The following RGS7BP variants were observed in gnomAD, a reference collection of about 807,000 sequenced individuals.
RGS7BP encodes the protein regulator of G protein signaling 7-binding protein.
A neutral mutation model predicts 31.3 loss-of-function variants in RGS7BP; 9 were observed. That is an observed-to-expected ratio of 0.29 (90% CI 0.17 to 0.50). RGS7BP has a LOEUF of 0.50. Ranked by LOEUF, RGS7BP falls within the 20% of genes least tolerant of loss-of-function variation. The pLI is 0.98. For missense variants in RGS7BP, 274 were observed against 322.0 expected, an observed-to-expected ratio of 0.85 and a Z score of 1.14; for synonymous variants, 115 against 120.1, an observed-to-expected ratio of 0.96 and a Z score of 0.28.
At chr5:64,587,333 A>G (rs1379937979) in intron 3 of RGS7BP, among the ~76,000 whole-genome samples, 2 of 152,208 alleles carry the variant, frequency 1.3e-5, no homozygotes, top group Non-Finnish European at 2.9e-5. Flanking sequence ...CTAAAAAGCA[A>G]TTGGGATTAG....
chr5:64,609,095 C>A, intron 5 of RGS7BP, 66 bp from the exon 6 acceptor site: 1 of 1,001,494 alleles, frequency 1.0e-6, no homozygotes, highest in Non-Finnish European at 1.6e-6. Context: ...ATTTTTAAAG[C>A]CACTTCCTAA....
intron 2 of RGS7BP, among the ~76,000 whole-genome samples, chr5:64,560,740 ATCT>A (rs1405250585): frequency 6.6e-6 from 1 of 152,090 alleles, no homozygotes; most frequent in African/African-American, 2.4e-5. Flanking sequence ...TGCATTAATA[ATCT>A]TCTCACTTCT....
chr5:64,555,819 G>T (rs1262338811), intron 2 of RGS7BP, among the ~76,000 whole-genome samples: 1 of 151,992 alleles, frequency 6.6e-6, no homozygotes, highest in Non-Finnish European at 1.5e-5. Context: ...TGGTAAAATT[G>T]GTACACATAT....
chr5:64,600,168 C>T (rs530325527), intron 5 of RGS7BP, among the ~76,000 whole-genome samples: 1 of 152,290 alleles, frequency 6.6e-6, no homozygotes, highest in African/African-American at 2.4e-5. Context: ...AAGCTGTCCT[C>T]AGTGTCTTAA....
At chr5:64,559,884 A>G (rs1742012612) in intron 2 of RGS7BP, among the ~76,000 whole-genome samples, 1 of 152,152 alleles carries the variant, frequency 6.6e-6, no homozygotes, top group Non-Finnish European at 1.5e-5. Flanking sequence ...TTGTCCACTA[A>G]AAGTGTAATG....
At position 64,604,205 on chromosome 5, in the gene RGS7BP, G is replaced by A. The variant is rs149216476; in HGVS notation, c.683-4956G>A. On this transcript the variant is annotated intron_variant, in intron 5 of 5. Transcript: ENST00000334025. ...TCACACTGTTCTCTCCATTCTGAAG[G>A]CCTATCCCCTGCCACCTTCACCAAA... Among the ~76,000 whole-genome samples the A allele has an allele frequency of 3.3e-3, 496 of 152,078 alleles. 2 individuals carry two copies. Among genetic ancestry groups the A allele is most frequent in the African/African-American group, 0.01 (432 of 41,498 alleles).
At chr5:64,535,172 G>A (rs999232017) in intron 2 of RGS7BP, among the ~76,000 whole-genome samples, 1 of 152,196 alleles carries the variant, frequency 6.6e-6, no homozygotes, top group Non-Finnish European at 1.5e-5. Context: ...TGAAGAGAAA[G>A]TGAGATGTGA....
chr5:64,564,744 G>C (rs1217235051), intron 2 of RGS7BP, among the ~76,000 whole-genome samples: 1 of 152,046 alleles, frequency 6.6e-6, no homozygotes, highest in Non-Finnish European at 1.5e-5. Context: ...TGCGCTGTAA[G>C]CCAGCACTAG....
chr5:64,573,395 G>T (rs1742345194), intron 2 of RGS7BP, among the ~76,000 whole-genome samples: 1 of 152,054 alleles, frequency 6.6e-6, no homozygotes, highest in African/African-American at 2.4e-5. Context: ...TATGAAGTTT[G>T]CGTATTTTTG....
chr5:64,581,144 C>T (rs1270279330), intron 3 of RGS7BP, among the ~76,000 whole-genome samples: 1 of 152,030 alleles, frequency 6.6e-6, no homozygotes, highest in East Asian at 1.9e-4. Context: ...AGGTGGGATG[C>T]AGAGACTGTA....
intron 5 of RGS7BP, among the ~76,000 whole-genome samples, chr5:64,605,363 G>T (rs1470033368): frequency 1.3e-5 from 2 of 152,128 alleles, no homozygotes; most frequent in Non-Finnish European, 2.9e-5. Flanking sequence ...CATTCTTGCA[G>T]TCCTTCTGTT....
intron 2 of RGS7BP, among the ~76,000 whole-genome samples, chr5:64,529,106 T>G (rs1315869823): frequency 6.6e-6 from 1 of 152,142 alleles, no homozygotes; most frequent in Non-Finnish European, 1.5e-5. Context: ...AAAAATAGTT[T>G]GGGAGGTTAT....
chr5:64,536,379 G>A (rs779407384), intron 2 of RGS7BP, among the ~76,000 whole-genome samples: 9 of 152,238 alleles, frequency 5.9e-5, no homozygotes, highest in Non-Finnish European at 1.3e-4. Context: ...GGAGCATAAA[G>A]AAAAAGAAAT....
chr5:64,583,719 G>C (rs762189684), intron 3 of RGS7BP, among the ~76,000 whole-genome samples: 11 of 152,148 alleles, frequency 7.2e-5, no homozygotes, highest in Non-Finnish European at 1.6e-4. Context: ...ATGAACATTC[G>C]TATTACCAAT....
At chr5:64,559,863 A>T (rs1441442067) in intron 2 of RGS7BP, among the ~76,000 whole-genome samples, 2 of 152,094 alleles carry the variant, frequency 1.3e-5, no homozygotes, top group Admixed American at 6.6e-5. Context: ...GTGGGATTTT[A>T]AAAAAATAAC....
intron 2 of RGS7BP, among the ~76,000 whole-genome samples, chr5:64,557,872 G>C (rs1029889918): frequency 2.0e-5 from 3 of 152,112 alleles, no homozygotes; most frequent in African/African-American, 7.2e-5. Context: ...TTCATATTAA[G>C]ACTGCTGTGA....
At position 64,507,896 on chromosome 5, in the gene RGS7BP, T is replaced by C. The variant is rs374377454; in HGVS notation, c.332+19T>C. ...TCTCAGGGTAGGAGACTCGGCATTA[T>C]TTGGTAATCCATATACATGATGCAT... is the stretch of plus-strand genomic sequence containing the variant. On this transcript the variant is annotated intron_variant, in intron 2 of 5. Transcript: ENST00000334025. 88 of 1,605,726 alleles carry C rather than the reference T, an allele frequency of 5.5e-5. No homozygotes were observed. In the African/African-American group the frequency reaches 1.1e-3, roughly 20 times the overall value.
At chr5:64,545,319 T>C (rs533467914) in intron 2 of RGS7BP, among the ~76,000 whole-genome samples, 120 of 151,912 alleles carry the variant, frequency 7.9e-4, no homozygotes, top group African/African-American at 2.9e-3. Context: ...TGTTAAATGA[T>C]GAGTTAATGG....
In RGS7BP at chr5:64,507,798, C is replaced by T. The variant is rs1433978701; in HGVS notation, c.253C>T (p.Arg85Trp). 3 of 1,613,930 alleles carry T rather than the reference C, an allele frequency of 1.9e-6. No homozygotes were observed. In the Admixed American group the frequency reaches 5.0e-5, roughly 27 times the overall value. ...GDVSVSCPSL[R>W]AEMHKTRTKG... Reference sequence around the variant, plus strand: ...TGTCTCGGTCAGCTGCCCCTCACTCCGGGCGGAAATGCACAAGACAAGAAC... The same window carrying T: ...TGTCTCGGTCAGCTGCCCCTCACTCTGGGCGGAAATGCACAAGACAAGAAC... The change falls in exon 2 of 6, where the codon CGG becomes TGG. Residue 85 changes from arginine (R) to tryptophan (W), a missense_variant. Arg to Trp is a moderately radical substitution (Grantham distance 101). This residue lies in a region of RGS7BP where 149 missense variants were observed against 152.6 expected (regional missense o/e 0.98). Coordinates refer to ENST00000334025, the MANE Select transcript of RGS7BP (RefSeq NM_001029875.3).
Sources: gnomAD v4.1 joint callset for allele counts (sites outside exome capture counted in the v4.1 genomes callset) on GRCh38, gnomAD v4.1.1 for gene constraint, gnomAD v4.1.1 regional missense constraint, MANE v1.5 for transcripts, NCBI Gene and HGNC (gene_info 2026-07-23, HGNC 2026-07-21) for gene names.